Variants in SFTPD observed in about 807,000 individuals in gnomAD.
SFTPD encodes the protein surfactant protein D, also known as pulmonary surfactant-associated protein D.
SFTPD carries 18 observed loss-of-function variants against 34.6 expected under a neutral mutation model. The ratio of observed to expected loss-of-function variants is 0.52; its 90% CI spans 0.36 to 0.77. The LOEUF (loss-of-function observed/expected upper bound fraction) is 0.77. Among genes scored for constraint, SFTPD ranks in the 30% least tolerant of loss-of-function variants. SFTPD has a pLI of 0.00. For synonymous variants in SFTPD, 155 were observed against 180.9 expected, an observed-to-expected ratio of 0.86 and a Z score of 1.15; for missense variants, 433 against 468.9, an observed-to-expected ratio of 0.92 and a Z score of 0.71.
rs192315240 is a variant in SFTPD, at chr10:79,966,910, C to T, written c.36+15665G>A. On this transcript the variant is annotated intron_variant, in intron 1 of 5. Coordinates refer to the SFTPD transcript ENST00000444384. ...CTGGCACAAGACAGGGATGCCCTCTCTCACTGCTCCTATTCAACATAGTGT... is the reference window on the plus strand; with the variant it reads ...CTGGCACAAGACAGGGATGCCCTCTTTCACTGCTCCTATTCAACATAGTGT... Among the ~76,000 whole-genome samples the T allele has an allele frequency of 3.1e-4, 46 of 147,954 alleles. 1 individual carries two copies. The highest frequency in any genetic ancestry group is 1.5e-5 in the Non-Finnish European group (1 of 67,722).
chr10:79,975,455 TACTC>T (rs762860885), intron 1 of SFTPD, among the ~76,000 whole-genome samples: 17 of 152,150 alleles, frequency 1.1e-4, no homozygotes, highest in Non-Finnish European at 2.1e-4. Context: ...CTCCCCTTCT[TACTC>T]ACCACGGGGA....
At chr10:79,950,238 C>G (rs992560184), upstream of SFTPD, 1 of 152,130 alleles carries the variant, frequency 6.6e-6, no homozygotes, top group Non-Finnish European at 1.5e-5. Flanking sequence ...AATTGTTACC[C>G]AGTTGCTTTT....
intron 1 of SFTPD, among the ~76,000 whole-genome samples, chr10:79,959,213 C>G (rs199819233): frequency 0.12 from 18,577 of 149,876 alleles, 1,576 homozygotes; most frequent in East Asian, 0.4. Context: ...AAATTGACAC[C>G]CTAACGTCAC....
intron 1 of SFTPD, among the ~76,000 whole-genome samples, chr10:79,947,682 T>G (rs933843530): frequency 1.3e-5 from 2 of 151,644 alleles, no homozygotes; most frequent in African/African-American, 4.9e-5. Flanking sequence ...AGAGTGAGAC[T>G]CCATCTCAGA....
chr10:79,942,681 G>T, intron 3 of SFTPD, 82 bp downstream of exon 3: 1 of 1,046,584 alleles, frequency 9.6e-7, no homozygotes, highest in Non-Finnish European at 1.5e-6. Flanking sequence ...TTCCTGGGAT[G>T]GGCTCTGTGC....
At chr10:79,969,847 C>A (rs12412257) in intron 1 of SFTPD, 3 of 152,058 alleles carry the variant, frequency 2.0e-5, no homozygotes, top group Non-Finnish European at 4.4e-5. Context: ...TCTTTTAACT[C>A]TGATGTTTGT....
intron 1 of SFTPD, among the ~76,000 whole-genome samples, chr10:79,979,583 A>C (rs992901822): frequency 6.6e-6 from 1 of 152,208 alleles, no homozygotes; most frequent in Non-Finnish European, 1.5e-5. Context: ...TTCAGCCAGC[A>C]CTCACAGAGG....
upstream of SFTPD, among the ~76,000 whole-genome samples, chr10:79,952,754 C>T (rs1286184070): frequency 6.6e-6 from 1 of 151,976 alleles, no homozygotes; most frequent in Non-Finnish European, 1.5e-5. Context: ...ACAATGGGTG[C>T]ATAACCAGTA....
At chr10:79,965,539 C>CTTTTTTTTTTTTTTTTTTTTTT (rs149878455) in intron 1 of SFTPD, among the ~76,000 whole-genome samples, 1 of 113,484 alleles carries the variant, frequency 8.8e-6, no homozygotes, top group African/African-American at 3.8e-5. Flanking sequence ...TTTTATTTTT[C>CTTTTTTTTTTTTTTTTTTTTTT]TTTTTTTTTT....
rs118026196 is a variant in SFTPD, at chr10:79,940,214, G to A, written c.751+491C>T. ...GCATCACTGGGGACTCCCATACCTG[G>A]CCCCTCTGAGCTAAGAAATGCAGCC... On this transcript the variant is annotated intron_variant, in intron 7 of 7. Transcript: ENST00000372292. Among the ~76,000 whole-genome samples the A allele has an allele frequency of 2.4e-4, 36 of 152,288 alleles. 1 individual carries two copies. The East Asian group carries it at 6.4e-3, about 27-fold the overall frequency.
At chr10:79,948,327 T>C (rs1056194008) in intron 1 of SFTPD, among the ~76,000 whole-genome samples, 1 of 152,194 alleles carries the variant, frequency 6.6e-6, no homozygotes, top group Non-Finnish European at 1.5e-5. Flanking sequence ...GCATTCTGTC[T>C]ACAGGCTCAA....
chr10:79,954,899 C>T (rs1260605104), intron 1 of SFTPD, among the ~76,000 whole-genome samples: 1 of 152,144 alleles, frequency 6.6e-6, no homozygotes, highest in Non-Finnish European at 1.5e-5. Flanking sequence ...TGGCTCCTTG[C>T]TTCTAGCACT....
chr10:79,944,374 G>A (rs1202227097), intron 2 of SFTPD, among the ~76,000 whole-genome samples: 1 of 152,180 alleles, frequency 6.6e-6, no homozygotes, highest in Non-Finnish European at 1.5e-5. Flanking sequence ...GGGTGTGTTG[G>A]GGGTAGGGTC....
At chr10:79,982,317 A>C (rs1358564833) in intron 1 of SFTPD, 1 of 957,784 alleles carries the variant, frequency 1.0e-6, no homozygotes, top group Admixed American at 4.6e-5. Flanking sequence ...AGTGGGCACC[A>C]GCCCAGCGCC....
At chr10:79,938,490 A>C (rs1016515322) in intron 7 of SFTPD, among the ~76,000 whole-genome samples, 1 of 152,224 alleles carries the variant, frequency 6.6e-6, no homozygotes, top group African/African-American at 2.4e-5. Flanking sequence ...TCACACAAGC[A>C]GCAAACGTGC....
chr10:79,954,937 C>T (rs1842730371), intron 1 of SFTPD, among the ~76,000 whole-genome samples: 2 of 152,168 alleles, frequency 1.3e-5, no homozygotes, highest in Admixed American at 1.3e-4. Context: ...CCATATGCTT[C>T]AAAGAAAATG....
At chr10:79,982,168 G>A (rs1842894904) in intron 1 of SFTPD, 1 of 417,800 alleles carries the variant, frequency 2.4e-6, no homozygotes, top group Non-Finnish European at 4.0e-6. Flanking sequence ...GGGCGGACAT[G>A]GGCACCAAGC....
At chr10:79,946,790 G>T in intron 1 of SFTPD, 128 bp from the exon 2 acceptor site, 4 of 808,712 alleles carry the variant, frequency 4.9e-6, no homozygotes, top group African/African-American at 1.7e-5. Context: ...ATGGGGCCTA[G>T]AGCAGCAGGA....
intron 7 of SFTPD, among the ~76,000 whole-genome samples, chr10:79,938,497 G>C (rs567965008): frequency 5.3e-5 from 8 of 152,136 alleles, no homozygotes; most frequent in African/African-American, 1.9e-4. Context: ...AGCAGCAAAC[G>C]TGCAGTTAGG....
Sources: gnomAD v4.1 joint callset for allele counts (sites outside exome capture counted in the v4.1 genomes callset) on GRCh38, gnomAD v4.1.1 for gene constraint, MANE v1.5 for transcripts, NCBI Gene and HGNC (gene_info 2026-07-23, HGNC 2026-07-21) for gene names.